SEMA6A: variants seen among roughly 807,000 people sequenced by gnomAD.
SEMA6A encodes semaphorin-6A.
In SEMA6A, 25 loss-of-function variants were observed where a neutral mutation model predicts 96.8. The ratio of observed to expected loss-of-function variants is 0.26; its 90% CI spans 0.19 to 0.36. The LOEUF (loss-of-function observed/expected upper bound fraction) is 0.36, where lower values mean the gene tolerates loss of function less well. SEMA6A is among the 10% of genes least tolerant of loss of function. SEMA6A has a pLI of 1.00. For synonymous variants in SEMA6A, 612 were observed against 518.0 expected (o/e 1.18, Z -2.46); for missense variants, 1,363 against 1,323.1 (o/e 1.03, Z -0.47).
intron 18 of SEMA6A, among the ~76,000 whole-genome samples, chr5:116,467,342 C>T (rs574365018): frequency 2.0e-5 from 3 of 152,172 alleles, no homozygotes; most frequent in Non-Finnish European, 4.4e-5. Context: ...ACACCTTTTT[C>T]GGGTAGAGGA....
rs928505222 is a variant in SEMA6A, at chr5:116,447,276, G to A, written c.2430C>T (p.Ser810=). The change falls in exon 19 of 19, where the codon AGC becomes AGT. Residue 810 remains serine, a synonymous_variant. Transcript: ENST00000343348. ...PTDLPLRASP[S]HIPSVVVLPI... is the part of the protein sequence containing the mutation. ...GCAGGACCACCACGCTGGGGATGTGGCTGGGGGAGGCCCGCAGGGGCAGGT... is the reference window on the plus strand; with the variant it reads ...GCAGGACCACCACGCTGGGGATGTGACTGGGGGAGGCCCGCAGGGGCAGGT... 3.1e-6 allele frequency: 5 copies of A among 1,613,744 alleles called. No individual in the cohort carries two copies. The African/African-American group carries it at 6.7e-5, about 22-fold the overall frequency.
intron 18 of SEMA6A, among the ~76,000 whole-genome samples, chr5:116,467,214 A>G (rs936672273): frequency 3.3e-5 from 5 of 152,180 alleles, no homozygotes; most frequent in African/African-American, 1.2e-4. Context: ...TTCACTTGCC[A>G]AAGCCCGAAC....
At chr5:116,531,994 A>G (rs966955123) in intron 1 of SEMA6A, among the ~76,000 whole-genome samples, 5 of 152,202 alleles carry the variant, frequency 3.3e-5, no homozygotes, top group African/African-American at 4.8e-5. Context: ...ACACAGAGGT[A>G]GGGACCACCT....
At chr5:116,497,210 G>A (rs753326654) in intron 4 of SEMA6A, 117 bp downstream of exon 4, 3 of 617,012 alleles carry the variant, frequency 4.9e-6, no homozygotes, top group Non-Finnish European at 8.5e-6. Flanking sequence ...CAAAATGCAT[G>A]TTGGCATCTC....
intron 10 of SEMA6A, among the ~76,000 whole-genome samples, chr5:116,484,686 G>C (rs1384422360): frequency 6.6e-6 from 1 of 152,128 alleles, no homozygotes; most frequent in East Asian, 1.9e-4. Flanking sequence ...AGGACGGTCT[G>C]GTAAGAGCAG....
intron 18 of SEMA6A, among the ~76,000 whole-genome samples, chr5:116,455,619 G>T (rs1461747308): frequency 6.6e-6 from 1 of 152,148 alleles, no homozygotes; most frequent in Non-Finnish European, 1.5e-5. Flanking sequence ...GCAAGTCTTT[G>T]CTTGGATTAT....
intron 18 of SEMA6A, among the ~76,000 whole-genome samples, chr5:116,465,261 G>C (rs549093612): frequency 2.0e-5 from 3 of 152,298 alleles, no homozygotes; most frequent in African/African-American, 7.2e-5. Context: ...TTTTCCAACG[G>C]AGTAACGCCA....
intron 10 of SEMA6A, among the ~76,000 whole-genome samples, chr5:116,483,177 G>GTTC (rs1756875733): frequency 6.6e-6 from 1 of 152,106 alleles, no homozygotes; most frequent in African/African-American, 2.4e-5. Flanking sequence ...TGCAAATAAA[G>GTTC]TACTTTATAA....
intron 1 of SEMA6A, among the ~76,000 whole-genome samples, chr5:116,570,518 G>A (rs1027472071): frequency 8.5e-5 from 13 of 152,188 alleles, no homozygotes; most frequent in African/African-American, 2.9e-4. Flanking sequence ...GTGTGGAGAG[G>A]GGCAGTGCAG....
intron 18 of SEMA6A, among the ~76,000 whole-genome samples, chr5:116,450,858 G>GT (rs1220487065): frequency 6.6e-6 from 1 of 152,208 alleles, no homozygotes; most frequent in African/African-American, 2.4e-5. Context: ...TGAAAGTGCA[G>GT]TTGAAGAAGA....
chr5:116,479,874 AAGGT>A (rs1756663120), intron 12 of SEMA6A, among the ~76,000 whole-genome samples: 1 of 152,182 alleles, frequency 6.6e-6, no homozygotes. Flanking sequence ...TCCAGAAGGA[AAGGT>A]ATTTCCTTCC....
At chr5:116,454,188 A>G (rs1196481313) in intron 18 of SEMA6A, among the ~76,000 whole-genome samples, 1 of 152,186 alleles carries the variant, frequency 6.6e-6, no homozygotes, top group African/African-American at 2.4e-5. Context: ...CTTTAGAGAA[A>G]TATGCAAAGG....
intron 18 of SEMA6A, among the ~76,000 whole-genome samples, chr5:116,463,802 T>C (rs896969386): frequency 6.6e-6 from 1 of 152,214 alleles, no homozygotes; most frequent in Admixed American, 6.5e-5. Context: ...AACTCTTTAT[T>C]ATAAAATAAA....
At chr5:116,572,164 C>T (rs1023100322) in intron 1 of SEMA6A, among the ~76,000 whole-genome samples, 1 of 152,154 alleles carries the variant, frequency 6.6e-6, no homozygotes, top group Non-Finnish European at 1.5e-5. Flanking sequence ...CACAACACTG[C>T]AAGTGGGTTA....
At chr5:116,542,405 C>T (rs1347100224) in intron 1 of SEMA6A, among the ~76,000 whole-genome samples, 2 of 152,130 alleles carry the variant, frequency 1.3e-5, no homozygotes, top group East Asian at 1.9e-4. Flanking sequence ...GATCCCTCCC[C>T]GACCTTTTAC....
At chr5:116,497,241 C>G in intron 4 of SEMA6A, 86 bp downstream of exon 4, 1 of 766,686 alleles carries the variant, frequency 1.3e-6, no homozygotes, top group Non-Finnish European at 2.1e-6. Flanking sequence ...TTAGCTACAT[C>G]ATCTTAATGC....
chr5:116,478,886 G>C (rs190763887), intron 12 of SEMA6A, among the ~76,000 whole-genome samples, 168 bp from the exon 13 acceptor site: 26 of 152,056 alleles, frequency 1.7e-4, no homozygotes, highest in African/African-American at 6.0e-4. Context: ...TCCATTTGCA[G>C]AGCACTAGTG....
intron 18 of SEMA6A, chr5:116,449,462 A>G: frequency 1.5e-6 from 1 of 658,402 alleles, no homozygotes; most frequent in Non-Finnish European, 2.7e-6. Flanking sequence ...AGCCCACAAC[A>G]CGCAACCTTA....
intron 1 of SEMA6A, among the ~76,000 whole-genome samples, chr5:116,529,338 G>A (rs1164470705): frequency 1.3e-5 from 2 of 152,130 alleles, no homozygotes; most frequent in Non-Finnish European, 2.9e-5. Context: ...GCACTGTAGG[G>A]TGACTATAAT....
Sources: gnomAD v4.1 joint callset for allele counts (sites outside exome capture counted in the v4.1 genomes callset) on GRCh38, gnomAD v4.1.1 for gene constraint, MANE v1.5 for transcripts, NCBI Gene and HGNC (gene_info 2026-07-23, HGNC 2026-07-21) for gene names.